DLC1: variants seen among roughly 807,000 people sequenced by gnomAD.
DLC1 encodes the protein rho GTPase-activating protein 7.
In DLC1, 54 loss-of-function variants were observed where a neutral mutation model predicts 140.3. That is an observed-to-expected ratio of 0.38 (90% confidence interval 0.31 to 0.48). DLC1 has a LOEUF of 0.48. Ranked by LOEUF, DLC1 falls within the 20% of genes least tolerant of loss-of-function variation. The pLI, the probability that DLC1 is intolerant of heterozygous loss-of-function variation, is 0.96. For synonymous variants in DLC1, 986 were observed against 728.1 expected (o/e 1.35, Z -5.70); for missense variants, 2,536 against 1,907.0 (o/e 1.33, Z -6.14).
chr8:13,270,720 C>A (rs1830896631), intron 5 of DLC1, among the ~76,000 whole-genome samples: 1 of 152,138 alleles, frequency 6.6e-6, no homozygotes, highest in Non-Finnish European at 1.5e-5. Context: ...TTGCCATTGA[C>A]ATTTTACCTT....
chr8:13,110,367 A>C (rs1026846657), intron 7 of DLC1, among the ~76,000 whole-genome samples: 2 of 152,188 alleles, frequency 1.3e-5, no homozygotes, highest in African/African-American at 4.8e-5. Context: ...TGGAATTCAA[A>C]TGATGCTCCT....
In DLC1 at chr8:13,085,732, A is replaced by T; in HGVS notation, c.*79T>A. On this transcript the variant is annotated 3_prime_UTR_variant, in exon 18 of 18. Transcript: ENST00000276297. ...TTTTCTTTGTTTCAGGATTAGACACAGAACCCATTCTTCAAGGACTGGCAA... is the reference window on the plus strand; with the variant it reads ...TTTTCTTTGTTTCAGGATTAGACACTGAACCCATTCTTCAAGGACTGGCAA... 1 of 1,596,668 alleles carries T rather than the reference A, an allele frequency of 6.3e-7. No individual in the cohort carries two copies. Among genetic ancestry groups the T allele is most frequent in the South Asian group, 1.1e-5 (1 of 88,910 alleles).
intron 5 of DLC1, among the ~76,000 whole-genome samples, chr8:13,274,662 G>C (rs970351416): frequency 1.3e-5 from 2 of 152,132 alleles, no homozygotes; most frequent in African/African-American, 2.4e-5. Flanking sequence ...TATTCTTAGA[G>C]GATATTATTA....
intron 1 of DLC1, among the ~76,000 whole-genome samples, chr8:13,506,591 A>ATATATATACACG (rs1802086167): frequency 3.0e-5 from 4 of 131,996 alleles, no homozygotes; most frequent in East Asian, 3.8e-4. Context: ...GTATATATAT[A>ATATATATACACG]TATATATATA....
chr8:13,102,978 TAGAGGAG>T, intron 7 of DLC1, 125 bp from the exon 8 acceptor site: 1 of 743,656 alleles, frequency 1.3e-6, no homozygotes, highest in Non-Finnish European at 2.2e-6. Flanking sequence ...ACCTAATACC[TAGAGGAG>T]TATTAGAAAC....
At chr8:13,419,749 T>C (rs7841529) in intron 2 of DLC1, among the ~76,000 whole-genome samples, 85,511 of 151,856 alleles carry the variant, frequency 0.56, 25,041 homozygotes, top group Non-Finnish European at 0.66. Flanking sequence ...GGGAGGATTC[T>C]CTCTTTTTCT....
chr8:13,123,857 C>T (rs187976417), intron 5 of DLC1, among the ~76,000 whole-genome samples: 2 of 152,160 alleles, frequency 1.3e-5, no homozygotes, highest in African/African-American at 4.8e-5. Context: ...AATTTTTGTT[C>T]TAGTAAGTGG....
intron 1 of DLC1, among the ~76,000 whole-genome samples, chr8:13,542,320 T>C (rs1803511330): frequency 6.6e-6 from 1 of 152,208 alleles, no homozygotes; most frequent in African/African-American, 2.4e-5. Context: ...CTTTCTTCAT[T>C]GGACTGCCTT....
chr8:13,317,830 C>T (rs938171460), intron 4 of DLC1, among the ~76,000 whole-genome samples: 4 of 152,038 alleles, frequency 2.6e-5, no homozygotes, highest in African/African-American at 4.8e-5. Flanking sequence ...AAGTTGTAGT[C>T]AAGAGTCCAG....
Position 13,385,894 on chromosome 8 carries a change from T to C in DLC1, c.1314+7659A>G, listed in dbSNP as rs186733195. 2.4e-4 allele frequency among the ~76,000 whole-genome samples: 36 copies of C among 152,296 alleles called. No individual in the cohort carries two copies. The East Asian group carries it at 4.1e-3, about 17-fold the overall frequency. ...GAAGGTAGAAAAATATGGGAAAATATTTAATATGTAATTAGAGCTTGGAGA... is the reference window on the plus strand; with the variant it reads ...GAAGGTAGAAAAATATGGGAAAATACTTAATATGTAATTAGAGCTTGGAGA... On this transcript the variant is annotated intron_variant, in intron 4 of 17. Coordinates refer to ENST00000276297, the MANE Select transcript of DLC1 (RefSeq NM_182643.3).
At chr8:13,570,584 T>A (rs1431967600) in intron 1 of DLC1, among the ~76,000 whole-genome samples, 2 of 149,190 alleles carry the variant, frequency 1.3e-5, no homozygotes, top group Non-Finnish European at 3.0e-5. Context: ...CTGAGAATGA[T>A]GGTTTCCAAT....
chr8:13,424,517 G>A (rs2449080), intron 2 of DLC1, among the ~76,000 whole-genome samples: 142,153 of 152,120 alleles, frequency 0.93, 66,622 homozygotes, highest in East Asian at 0.97. Context: ...TAAAATAAAA[G>A]TCAGATCTCC....
chr8:13,523,263 G>T (rs1802814218), intron 1 of DLC1, among the ~76,000 whole-genome samples: 1 of 152,212 alleles, frequency 6.6e-6, no homozygotes, highest in Non-Finnish European at 1.5e-5. Context: ...AGCTGTTGTT[G>T]TGGTTCATGC....
chr8:13,596,758 G>T (rs1288429501), intron 1 of DLC1, among the ~76,000 whole-genome samples: 3 of 151,962 alleles, frequency 2.0e-5, no homozygotes, highest in Non-Finnish European at 4.4e-5. Flanking sequence ...TCACACATAA[G>T]ACTTCACACA....
At chr8:13,182,045 G>T (rs1826072939) in intron 5 of DLC1, among the ~76,000 whole-genome samples, 1 of 152,160 alleles carries the variant, frequency 6.6e-6, no homozygotes, top group African/African-American at 2.4e-5. Flanking sequence ...GGTGTGAGAT[G>T]GTATCTCATT....
rs117599893 is a variant in DLC1, at chr8:13,323,748, T to C, written c.1315-18446A>G. ...AGGGAATGCAGCAAAATGAATACCT[T>C]ATTGTTTGGAATATTTACATATTTA... is the stretch of plus-strand genomic sequence containing the variant. On this transcript the variant is annotated intron_variant, in intron 4 of 17. Coordinates refer to ENST00000276297, the MANE Select transcript of DLC1 (RefSeq NM_182643.3). Among the ~76,000 whole-genome samples the C allele has an allele frequency of 2.0e-5, 3 of 152,334 alleles. No individual in the cohort carries two copies. The East Asian group carries it at 5.8e-4, about 29-fold the overall frequency.
At chr8:13,196,926 C>A (rs77934393) in intron 5 of DLC1, among the ~76,000 whole-genome samples, 14,674 of 152,190 alleles carry the variant, frequency 0.096, 771 homozygotes, top group South Asian at 0.16. Context: ...TTAGAACTTT[C>A]TACAGTTTAT....
rs571237548 is a variant in DLC1, at chr8:13,268,301, T to C, written c.1348+36968A>G. ...AGGAGAATGGCCAGTTCATTAAGGA[T>C]GATGCACTAACTTGCCTGACTCTGT... is the stretch of plus-strand genomic sequence containing the variant. On this transcript the variant is annotated intron_variant, in intron 5 of 17. Coordinates refer to ENST00000276297, the MANE Select transcript of DLC1 (RefSeq NM_182643.3). 1.1e-4 allele frequency among the ~76,000 whole-genome samples: 17 copies of C among 152,340 alleles called. No homozygotes were observed. The East Asian group carries it at 2.1e-3, about 19-fold the overall frequency.
chr8:13,095,304 A>C, intron 10 of DLC1, 59 bp from the exon 11 acceptor site: 1 of 1,604,350 alleles, frequency 6.2e-7, no homozygotes. Flanking sequence ...GTCTGTCTAC[A>C]CTTGTCCAAT....
Sources: allele counts gnomAD v4.1 joint callset (sites outside exome capture counted in the v4.1 genomes callset), GRCh38; gene constraint gnomAD v4.1.1; transcripts MANE v1.5; gene names NCBI Gene and HGNC (gene_info 2026-07-23, HGNC 2026-07-21).